The following TTC17 variants were observed in gnomAD, a reference collection of about 807,000 sequenced individuals.
The protein encoded by TTC17 is tetratricopeptide repeat domain 17.
TTC17 carries 58 observed loss-of-function variants against 143.8 expected under a neutral mutation model. The ratio of observed to expected loss-of-function variants is 0.40; its 90% CI spans 0.33 to 0.50. TTC17 has a LOEUF of 0.50. TTC17 is among the 20% of genes least tolerant of loss of function. The pLI, the probability that TTC17 is intolerant of heterozygous loss-of-function variation, is 0.49. For synonymous variants in TTC17, 501 were observed against 497.8 expected (o/e 1.01, Z -0.09); for missense variants, 1,273 against 1,392.5 (o/e 0.91, Z 1.37).
At position 43,397,357 on chromosome 11, in the gene TTC17, G is replaced by A. The variant is rs750333442; in HGVS notation, c.784G>A (p.Asp262Asn). The A allele has an allele frequency of 3.7e-6, 6 of 1,609,692 alleles. No individual in the cohort carries two copies. In the Admixed American group the frequency reaches 5.0e-5, roughly 13 times the overall value. The change falls in exon 7 of 24, where the codon GAC becomes AAC. Residue 262 changes from aspartate to asparagine, a missense_variant. Coordinates refer to ENST00000039989, the MANE Select transcript of TTC17 (RefSeq NM_018259.6). ...TGCTGCTTTCCTTAGGCACAATAAAGACATTGCCCTGGTCAACCTGGCAAA... is the reference window on the plus strand; with the variant it reads ...TGCTGCTTTCCTTAGGCACAATAAAAACATTGCCCTGGTCAACCTGGCAAA... ...ALHFSSRHNK[D>N]IALVNLANVL...
At chr11:43,397,119 T>C (rs1857625921) in intron 6 of TTC17, 1 of 500,250 alleles carries the variant, frequency 2.0e-6, no homozygotes, top group Admixed American at 3.5e-5. Context: ...AAAGCAAATA[T>C]AAGCCCTAAA....
chr11:43,376,524 T>C (rs1856768537), intron 1 of TTC17, among the ~76,000 whole-genome samples: 1 of 152,222 alleles, frequency 6.6e-6, no homozygotes, highest in African/African-American at 2.4e-5. Context: ...GAAAAAGCCA[T>C]AAAGTGCTTT....
At chr11:43,465,824 CTG>C (rs1287222555) in intron 21 of TTC17, among the ~76,000 whole-genome samples, 1 of 152,006 alleles carries the variant, frequency 6.6e-6, no homozygotes, top group African/African-American at 2.4e-5. Context: ...AGACCTAAAA[CTG>C]TACAACTCTT....
At position 43,400,704 on chromosome 11, in the gene TTC17, A is replaced by G. The variant is rs140735994; in HGVS notation, c.1219+656A>G. ...TGTGTCCAATTTTATTTTTCTGGGAAGAGGGTATCTAGCTTTTATTAAAAT... is the reference window on the plus strand; with the variant it reads ...TGTGTCCAATTTTATTTTTCTGGGAGGAGGGTATCTAGCTTTTATTAAAAT... On this transcript the variant is annotated intron_variant, in intron 9 of 23. Coordinates refer to ENST00000039989, the MANE Select transcript of TTC17 (RefSeq NM_018259.6). 4.4e-4 allele frequency among the ~76,000 whole-genome samples: 67 copies of G among 152,324 alleles called. No homozygotes were observed. In the East Asian group the frequency reaches 0.013, roughly 29 times the overall value.
At chr11:43,425,331 A>G (rs1190591072) in intron 16 of TTC17, among the ~76,000 whole-genome samples, 1 of 152,080 alleles carries the variant, frequency 6.6e-6, no homozygotes, top group Non-Finnish European at 1.5e-5. Flanking sequence ...TGAAAAAAAA[A>G]ATTTTTTTTT....
At chr11:43,425,203 C>T (rs1287534899) in intron 16 of TTC17, among the ~76,000 whole-genome samples, 1 of 152,062 alleles carries the variant, frequency 6.6e-6, no homozygotes, top group East Asian at 1.9e-4. Context: ...ATGGTAGTCC[C>T]AGCTACTTAG....
At chr11:43,392,283 A>G (rs539328138) in intron 5 of TTC17, among the ~76,000 whole-genome samples, 2 of 152,354 alleles carry the variant, frequency 1.3e-5, no homozygotes, top group South Asian at 4.1e-4. Context: ...TAATATATCT[A>G]TACACAATAC....
chr11:43,494,127 T>C lies in TTC17; in HGVS notation c.*223T>C, dbSNP rs1948519366. The stretch of plus-strand genomic sequence containing the variant: ...GGCACCTTCAGAAACACACATTTCT[T>C]AAAAGGAAAGTGCAGCTTCAAGATA... On this transcript the variant is annotated 3_prime_UTR_variant, in exon 24 of 24. Coordinates refer to ENST00000039989, the MANE Select transcript of TTC17 (RefSeq NM_018259.6). 3 of 487,704 alleles carry C rather than the reference T, an allele frequency of 6.2e-6. No individual in the cohort carries two copies. The highest frequency in any genetic ancestry group is 1.0e-5 in the Non-Finnish European group (3 of 286,760). The allele number at this position is 487,704 out of a possible 1,614,324, so 30.2% of individuals were successfully genotyped here. A position where few individuals can be genotyped will look rare whatever the true frequency, so the allele number is the denominator to read the frequency against.
chr11:43,440,486 C>T (rs1268822793), intron 16 of TTC17, among the ~76,000 whole-genome samples: 1 of 152,166 alleles, frequency 6.6e-6, no homozygotes, highest in Admixed American at 6.5e-5. Flanking sequence ...TGAGCCTATC[C>T]TATTACTAAT....
intron 1 of TTC17, among the ~76,000 whole-genome samples, chr11:43,375,473 C>A (rs1856727684): frequency 6.6e-6 from 1 of 152,096 alleles, no homozygotes; most frequent in Non-Finnish European, 1.5e-5. Flanking sequence ...ATTTAAATAA[C>A]TATAATTCTG....
chr11:43,441,398 T>G (rs1244945098), intron 16 of TTC17, among the ~76,000 whole-genome samples: 1 of 152,186 alleles, frequency 6.6e-6, no homozygotes, highest in Non-Finnish European at 1.5e-5. Flanking sequence ...ATGCAAATAT[T>G]TTTTCCCTCT....
At chr11:43,401,706 C>A in intron 10 of TTC17, 148 bp downstream of exon 10, 1 of 588,518 alleles carries the variant, frequency 1.7e-6, no homozygotes, top group Non-Finnish European at 2.9e-6. Flanking sequence ...AGGCTGGGCA[C>A]AGTGGCTCAC....
chr11:43,361,107 G>C (rs1027379068), intron 1 of TTC17, among the ~76,000 whole-genome samples: 2 of 152,178 alleles, frequency 1.3e-5, no homozygotes, highest in Non-Finnish European at 2.9e-5. Context: ...TAAAAGAATT[G>C]GGTGCTGTGG....
intron 21 of TTC17, among the ~76,000 whole-genome samples, chr11:43,486,164 C>CG (rs1948377951): frequency 6.6e-6 from 1 of 151,996 alleles, no homozygotes; most frequent in African/African-American, 2.4e-5. Flanking sequence ...TAGTCCCCCC[C>CG]TTATTTGCAG....
intron 21 of TTC17, among the ~76,000 whole-genome samples, chr11:43,478,744 G>A (rs7104153): frequency 5.9e-5 from 9 of 151,890 alleles, no homozygotes; most frequent in Admixed American, 5.2e-4. Flanking sequence ...GCCCCATCCC[G>A]CAACCCCCAA....
intron 11 of TTC17, among the ~76,000 whole-genome samples, chr11:43,404,422 GTTTCTAAACT>G (rs979490625): frequency 8.5e-5 from 13 of 152,208 alleles, no homozygotes; most frequent in African/African-American, 3.1e-4. Context: ...ACCTTAACAA[GTTTCTAAACT>G]TGACCCAAGC....
intron 18 of TTC17, among the ~76,000 whole-genome samples, chr11:43,446,913 A>G (rs2134741771): frequency 6.6e-6 from 1 of 152,342 alleles, no homozygotes; most frequent in Non-Finnish European, 1.5e-5. Context: ...GATTGGGAAC[A>G]TACACGTTAG....
At chr11:43,384,797 GA>G (rs755178544) in intron 2 of TTC17, among the ~76,000 whole-genome samples, 5 of 152,208 alleles carry the variant, frequency 3.3e-5, no homozygotes, top group Non-Finnish European at 4.4e-5. Flanking sequence ...TGCATGGTAA[GA>G]GTATAAAGAC....
At chr11:43,440,202 G>A (rs1008334750) in intron 16 of TTC17, among the ~76,000 whole-genome samples, 3 of 152,274 alleles carry the variant, frequency 2.0e-5, no homozygotes, top group East Asian at 3.9e-4. Flanking sequence ...GACAATATCT[G>A]AAGATACATT....
Sources: gnomAD v4.1 joint callset for allele counts (sites outside exome capture counted in the v4.1 genomes callset) on GRCh38, gnomAD v4.1.1 for gene constraint, MANE v1.5 for transcripts, NCBI Gene and HGNC (gene_info 2026-07-23, HGNC 2026-07-21) for gene names.